The following CTNND2 variants were observed in gnomAD, a reference collection of about 807,000 sequenced individuals.
CTNND2 encodes catenin delta-2.
CTNND2 carries 22 observed loss-of-function variants against 144.4 expected under a neutral mutation model. The observed-to-expected ratio is 0.15, with a 90% CI of 0.11 to 0.22. The LOEUF (loss-of-function observed/expected upper bound fraction) is 0.22. CTNND2 is among the 10% of genes least tolerant of loss of function. CTNND2 has a pLI of 1.00. For synonymous variants in CTNND2, 751 were observed against 695.6 expected (o/e 1.08, Z -1.25); for missense variants, 1,353 against 1,618.8 (o/e 0.84, Z 2.82).
chr5:11,163,311 C>G (rs923858939), intron 11 of CTNND2, among the ~76,000 whole-genome samples: 1 of 152,160 alleles, frequency 6.6e-6, no homozygotes. Flanking sequence ...ATAGAGAGAC[C>G]AGCATGGCAA....
chr5:11,873,370 A>G (rs181364088), intron 1 of CTNND2, among the ~76,000 whole-genome samples: 2 of 152,304 alleles, frequency 1.3e-5, no homozygotes, highest in East Asian at 1.9e-4. Context: ...CACATCAAAT[A>G]AGGCAGCATG....
At chr5:11,841,837 T>A (rs1794490069) in intron 1 of CTNND2, among the ~76,000 whole-genome samples, 2 of 150,680 alleles carry the variant, frequency 1.3e-5, no homozygotes, top group South Asian at 4.2e-4. Flanking sequence ...CAAAGAAGAG[T>A]TTTCTCTAAT....
At chr5:11,423,702 C>A (rs1489474946) in intron 3 of CTNND2, among the ~76,000 whole-genome samples, 1 of 152,190 alleles carries the variant, frequency 6.6e-6, no homozygotes, top group African/African-American at 2.4e-5. Context: ...CTGATGTGCT[C>A]ATAGCTTCTC....
chr5:11,548,328 C>T (rs1334603932), intron 3 of CTNND2, among the ~76,000 whole-genome samples: 1 of 152,196 alleles, frequency 6.6e-6, no homozygotes, highest in Non-Finnish European at 1.5e-5. Context: ...CCAACAATTA[C>T]TGGTCAAATT....
chr5:11,517,988 CAG>C, intron 3 of CTNND2, among the ~76,000 whole-genome samples: 1 of 152,132 alleles, frequency 6.6e-6, no homozygotes, highest in South Asian at 2.1e-4. Flanking sequence ...CTTACAGAAG[CAG>C]AGAGTGGAAA....
chr5:11,459,258 T>C (rs1411587114), intron 3 of CTNND2, among the ~76,000 whole-genome samples: 1 of 152,216 alleles, frequency 6.6e-6, no homozygotes, highest in Non-Finnish European at 1.5e-5. Flanking sequence ...CTGTCGATGA[T>C]GAAAATCATT....
chr5:11,838,721 T>C (rs563045323), intron 1 of CTNND2, among the ~76,000 whole-genome samples: 10 of 152,226 alleles, frequency 6.6e-5, no homozygotes, highest in Non-Finnish European at 1.2e-4. Flanking sequence ...AAATATTACA[T>C]TGCATCAATT....
rs140461404 is a variant in CTNND2, at chr5:11,597,186, G to A, written c.175-32130C>T. On this transcript the variant is annotated intron_variant, in intron 2 of 21. Transcript: ENST00000304623. Reference sequence around the variant, plus strand: ...TAGAATTTTGAAGACTTTTCTGTAAGACTTGTTGAATATACCTCTATTTCC... The same window carrying A: ...TAGAATTTTGAAGACTTTTCTGTAAAACTTGTTGAATATACCTCTATTTCC... Among the ~76,000 whole-genome samples, 353 of 152,290 alleles carry A rather than the reference G, an allele frequency of 2.3e-3. 2 individuals are homozygous for A. Among genetic ancestry groups the A allele is most frequent in the Non-Finnish European group, 4.3e-3 (291 of 68,018 alleles).
rs553333360 is a variant in CTNND2 at position 11,900,290 on chromosome 5, G to A, written c.37+3527C>T. On this transcript the variant is annotated intron_variant, in intron 1 of 21. Transcript: ENST00000304623. The stretch of plus-strand genomic sequence containing the variant: ...ATCAATTAACCATGATTCAGAGCTT[G>A]GAATTGCACTTAACTGCTATGTGAT... Among the ~76,000 whole-genome samples the A allele has an allele frequency of 9.2e-5, 14 of 152,252 alleles. No homozygotes were observed. The East Asian group carries it at 2.5e-3, about 27-fold the overall frequency.
chr5:11,547,173 C>T (rs899670119), intron 3 of CTNND2, among the ~76,000 whole-genome samples: 2 of 151,898 alleles, frequency 1.3e-5, no homozygotes, highest in African/African-American at 4.8e-5. Flanking sequence ...GAAGCTGAGG[C>T]AGGAGAATTG....
chr5:11,558,528 G>A (rs1371427433), intron 3 of CTNND2, among the ~76,000 whole-genome samples: 4 of 152,108 alleles, frequency 2.6e-5, no homozygotes, highest in Non-Finnish European at 5.9e-5. Flanking sequence ...ACCACTCAAG[G>A]CTAATTTTTT....
intron 16 of CTNND2, among the ~76,000 whole-genome samples, chr5:11,082,272 A>T: frequency 6.6e-6 from 1 of 152,238 alleles, no homozygotes; most frequent in East Asian, 1.9e-4. Context: ...ACCAAATTAA[A>T]GAGAGATAAT....
intron 2 of CTNND2, among the ~76,000 whole-genome samples, chr5:11,612,477 C>T (rs1273666999): frequency 1.3e-5 from 2 of 152,124 alleles, no homozygotes; most frequent in African/African-American, 4.8e-5. Flanking sequence ...GTACCTTCTT[C>T]GTTCTTCATG....
chr5:11,859,669 C>T (rs1174715868), intron 1 of CTNND2, among the ~76,000 whole-genome samples: 3 of 152,122 alleles, frequency 2.0e-5, no homozygotes, highest in African/African-American at 7.2e-5. Context: ...CTATGAGAGC[C>T]ACCTACATGC....
chr5:11,463,121 T>C (rs1766364032), intron 3 of CTNND2, among the ~76,000 whole-genome samples: 1 of 152,240 alleles, frequency 6.6e-6, no homozygotes, highest in Admixed American at 6.5e-5. Flanking sequence ...ACTGTAATTA[T>C]ATTGCTTCTG....
intron 2 of CTNND2, among the ~76,000 whole-genome samples, chr5:11,719,633 A>G (rs542297242): frequency 1.3e-5 from 2 of 152,342 alleles, no homozygotes; most frequent in South Asian, 2.1e-4. Context: ...TGAAATACTA[A>G]TAAGTAGATT....
chr5:11,516,649 A>G (rs1772187429), intron 3 of CTNND2, among the ~76,000 whole-genome samples: 1 of 152,206 alleles, frequency 6.6e-6, no homozygotes, highest in African/African-American at 2.4e-5. Flanking sequence ...CATGAAAATA[A>G]AGAAAAAGAA....
chr5:11,519,730 TG>T (rs1415728323), intron 3 of CTNND2, among the ~76,000 whole-genome samples: 4 of 151,974 alleles, frequency 2.6e-5, no homozygotes, highest in Non-Finnish European at 5.9e-5. Flanking sequence ...AAGTGTCTGT[TG>T]GATAAATAAA....
intron 1 of CTNND2, among the ~76,000 whole-genome samples, chr5:11,815,924 T>C (rs941404684): frequency 6.6e-6 from 1 of 152,174 alleles, no homozygotes; most frequent in African/African-American, 2.4e-5. Context: ...ATGTCACTGA[T>C]AAGGTCTCCA....
Sources: allele counts gnomAD v4.1 joint callset (sites outside exome capture counted in the v4.1 genomes callset), GRCh38; gene constraint gnomAD v4.1.1; transcripts MANE v1.5; gene names NCBI Gene and HGNC (gene_info 2026-07-23, HGNC 2026-07-21).